The following TULP4 variants were observed in gnomAD, a reference collection of about 807,000 sequenced individuals.
TULP4 encodes tubby-related protein 4.
Under a neutral mutation model 129.0 loss-of-function variants are expected in TULP4, and 16 were observed. The observed-to-expected ratio is 0.12, with a 90% CI of 0.08 to 0.19. The LOEUF (loss-of-function observed/expected upper bound fraction) is 0.19. Among genes scored for constraint, TULP4 ranks in the 10% least tolerant of loss-of-function variants. The pLI is 1.00. For missense variants in TULP4, 1,842 were observed against 2,059.1 expected, an observed-to-expected ratio of 0.89 and a Z score of 2.04; for synonymous variants, 998 against 854.0, an observed-to-expected ratio of 1.17 and a Z score of -2.94.
chr6:158,489,862 G>T (rs1780159837), intron 9 of TULP4, 130 bp downstream of exon 9: 5 of 1,130,940 alleles, frequency 4.4e-6, no homozygotes, highest in South Asian at 3.3e-5. Flanking sequence ...TCTTCCAGAA[G>T]ATTCCAGCTG....
chr6:158,418,428 C>T (rs73025820), intron 2 of TULP4, among the ~76,000 whole-genome samples: 3 of 137,712 alleles, frequency 2.2e-5, no homozygotes, highest in African/African-American at 2.7e-5. Context: ...TTAAGCAATT[C>T]GATACTTGGT....
chr6:158,320,183 G>A (rs186837279), intron 1 of TULP4, among the ~76,000 whole-genome samples: 1 of 152,280 alleles, frequency 6.6e-6, no homozygotes, highest in East Asian at 1.9e-4. Flanking sequence ...GAGAAGTGAT[G>A]CTTTTTTAGA....
chr6:158,307,798 G>T (rs1034979154), upstream of TULP4, among the ~76,000 whole-genome samples: 1 of 151,766 alleles, frequency 6.6e-6, no homozygotes, highest in African/African-American at 2.4e-5. Context: ...CATCTTTGTT[G>T]GTCATTTGGA....
intron 1 of TULP4, among the ~76,000 whole-genome samples, chr6:158,317,272 T>C (rs1272968709): frequency 6.6e-6 from 1 of 152,068 alleles, no homozygotes; most frequent in Non-Finnish European, 1.5e-5. Flanking sequence ...ACCCATTAAC[T>C]CATCATTTAC....
In TULP4 at chr6:158,493,663, T is replaced by G. The variant is rs764387455; in HGVS notation, c.1722T>G (p.Ser574=). ...CACGGTTGCCCCTGCGCAAGCCCTC[T>G]GTGGGCTCGCCCAGCCTGACTCGGA... is the stretch of plus-strand genomic sequence containing the variant. ...RSPRLPLRKP[S]VGSPSLTRRE... Residue 574 remains serine (S), a synonymous_variant, in exon 10 of 14, where the codon TCT becomes TCG. Coordinates refer to ENST00000367097, the MANE Select transcript of TULP4 (RefSeq NM_020245.5). The surrounding 1 kb of genome is among the most constrained non-coding windows in gnomAD (Gnocchi z 4.4). The G allele has an allele frequency of 6.9e-6, 11 of 1,598,314 alleles. No homozygotes were observed. The highest frequency in any genetic ancestry group is 8.5e-6 in the Non-Finnish European group (10 of 1,172,714).
chr6:158,256,765 G>A (rs990623411), intron 1 of TULP4, among the ~76,000 whole-genome samples: 1 of 152,144 alleles, frequency 6.6e-6, no homozygotes, highest in African/African-American at 2.4e-5. Context: ...ACGTGATGTC[G>A]TCCCTCCCTA....
At chr6:158,409,980 C>T (rs1280348971) in intron 1 of TULP4, among the ~76,000 whole-genome samples, 2 of 152,022 alleles carry the variant, frequency 1.3e-5, no homozygotes, top group South Asian at 2.1e-4. Flanking sequence ...CTCAGCCTCC[C>T]GAGTAGCTGG....
chr6:158,358,186 A>C (rs1780691585), intron 1 of TULP4, among the ~76,000 whole-genome samples: 1 of 152,208 alleles, frequency 6.6e-6, no homozygotes, highest in Non-Finnish European at 1.5e-5. Flanking sequence ...AAAACCATGC[A>C]GGGGTGCAAG....
chr6:158,404,363 T>C (rs1435031394), intron 1 of TULP4, among the ~76,000 whole-genome samples: 1 of 152,212 alleles, frequency 6.6e-6, no homozygotes, highest in Admixed American at 6.5e-5. Context: ...ATGGAGATGC[T>C]TGGAAGATGT....
At chr6:158,401,905 G>T (rs1777860566) in intron 1 of TULP4, among the ~76,000 whole-genome samples, 1 of 151,808 alleles carries the variant, frequency 6.6e-6, no homozygotes. Flanking sequence ...TCTCAATATG[G>T]TTGAAAATTA....
chr6:158,373,743 A>G (rs1411958576), intron 1 of TULP4, among the ~76,000 whole-genome samples: 1 of 152,180 alleles, frequency 6.6e-6, no homozygotes, highest in Admixed American at 6.5e-5. Context: ...TCATTCATCA[A>G]CTACCTTGTC....
intron 7 of TULP4, 133 bp downstream of exon 7, chr6:158,480,108 T>A: frequency 1.5e-6 from 1 of 681,616 alleles, no homozygotes; most frequent in Non-Finnish European, 2.4e-6. Flanking sequence ...TCCTGTCATG[T>A]GCTGCCAGGT....
chr6:158,460,076 G>A (rs1375475893), intron 5 of TULP4, among the ~76,000 whole-genome samples: 2 of 151,966 alleles, frequency 1.3e-5, no homozygotes, highest in African/African-American at 4.8e-5. Context: ...AACTGCTTTG[G>A]CTCAGCCCTT....
chr6:158,316,699 G>A (rs1294909388), intron 1 of TULP4, among the ~76,000 whole-genome samples: 1 of 152,022 alleles, frequency 6.6e-6, no homozygotes, highest in Non-Finnish European at 1.5e-5. Flanking sequence ...CTGTAGTTCT[G>A]AAGCCCTGTT....
intron 3 of TULP4, among the ~76,000 whole-genome samples, chr6:158,444,349 T>C (rs531807350): frequency 6.7e-6 from 1 of 149,336 alleles, no homozygotes; most frequent in East Asian, 2.0e-4. Context: ...TTTCTCTATC[T>C]GCAGCTACAC....
At chr6:158,382,015 C>T (rs1453253299) in intron 1 of TULP4, among the ~76,000 whole-genome samples, 1 of 152,090 alleles carries the variant, frequency 6.6e-6, no homozygotes, top group Non-Finnish European at 1.5e-5. Flanking sequence ...TCTTTGACAT[C>T]TGGCATAATA....
intron 1 of TULP4, among the ~76,000 whole-genome samples, chr6:158,349,809 G>C (rs1249472349): frequency 9.2e-6 from 1 of 109,050 alleles, no homozygotes; most frequent in Non-Finnish European, 1.8e-5. Flanking sequence ...GGGCAGAGGC[G>C]CTCCTCACCT....
At chr6:158,366,646 G>A (rs1240189975) in intron 1 of TULP4, among the ~76,000 whole-genome samples, 3 of 152,074 alleles carry the variant, frequency 2.0e-5, no homozygotes, top group Admixed American at 6.5e-5. Flanking sequence ...CAGCCTTATC[G>A]CCAGGCTCTG....
At chr6:158,474,136 A>G (rs1344439289) in intron 6 of TULP4, among the ~76,000 whole-genome samples, 3 of 152,260 alleles carry the variant, frequency 2.0e-5, no homozygotes, top group Non-Finnish European at 1.5e-5. Flanking sequence ...TCTGTTTTAA[A>G]GTGAACTATT....
Sources: allele counts gnomAD v4.1 joint callset (sites outside exome capture counted in the v4.1 genomes callset), GRCh38; gene constraint gnomAD v4.1.1; non-coding constraint Gnocchi (gnomAD v3.1); transcripts MANE v1.5; gene names NCBI Gene and HGNC (gene_info 2026-07-23, HGNC 2026-07-21).